ZNF595: variants seen among roughly 807,000 people sequenced by gnomAD.
ZNF595 encodes the protein zinc finger protein 595.
In ZNF595, 9 loss-of-function variants were observed where a neutral mutation model predicts 19.4. The ratio of observed to expected loss-of-function variants is 0.46; its 90% CI spans 0.28 to 0.81. The LOEUF (loss-of-function observed/expected upper bound fraction) is 0.81. Among genes scored for constraint, ZNF595 ranks in the 30% least tolerant of loss-of-function variants. ZNF595 has a pLI of 0.11. For missense variants in ZNF595, 729 were observed against 736.0 expected, an observed-to-expected ratio of 0.99 and a Z score of 0.11; for synonymous variants, 255 against 255.9, an observed-to-expected ratio of 1.00 and a Z score of 0.03.
At chr4:81,605 A>AT (rs1289457508) in intron 3 of ZNF595, among the ~76,000 whole-genome samples, 3 of 152,174 alleles carry the variant, frequency 2.0e-5, no homozygotes, top group Non-Finnish European at 4.4e-5. Flanking sequence ...TAGTCATATT[A>AT]ATTATATTGA....
chr4:62,125 C>T (rs1581324548), intron 3 of ZNF595, among the ~76,000 whole-genome samples: 2,341 of 75,486 alleles, frequency 0.031, 9 homozygotes, highest in African/African-American at 0.1. Flanking sequence ...TGTACATTAG[C>T]TTTCTCAGAC....
At chr4:73,222 A>T (rs574000071) in intron 3 of ZNF595, among the ~76,000 whole-genome samples, 1 of 151,570 alleles carries the variant, frequency 6.6e-6, no homozygotes, top group African/African-American at 2.4e-5. Context: ...GCTATTTGTC[A>T]TACGGAGGAG....
At chr4:72,000 G>A (rs1056963382) in intron 3 of ZNF595, among the ~76,000 whole-genome samples, 18 of 152,238 alleles carry the variant, frequency 1.2e-4, no homozygotes, top group Admixed American at 3.9e-4. Flanking sequence ...GAGCAGGATG[G>A]GGGTGGGAGG....
chr4:74,566 C>T (rs1440537798), intron 3 of ZNF595, among the ~76,000 whole-genome samples: 1 of 152,152 alleles, frequency 6.6e-6, no homozygotes, highest in East Asian at 1.9e-4. Flanking sequence ...ACATGTGCCC[C>T]AGGTGGTCGG....
At position 53,437 on chromosome 4, in the gene ZNF595, AG is replaced by A. The variant is rs1581306091; in HGVS notation, c.-49del. The A allele has an allele frequency of 3.8e-6, 4 of 1,042,732 alleles. No homozygotes were observed. The African/African-American group carries it at 5.0e-5, about 13-fold the overall frequency. The allele number at this position is 1,042,732 out of a possible 1,614,324, so 64.6% of individuals were successfully genotyped here. Reference sequence around the variant, plus strand: ...CTGCCTCCCGTTGCTCTGTGACCTGAGGGTATTGGACAATTTGTAGCTAAGA... The same window carrying A: ...CTGCCTCCCGTTGCTCTGTGACCTGAGGTATTGGACAATTTGTAGCTAAGA... On this transcript the variant is annotated 5_prime_UTR_variant, in exon 1 of 4. Transcript: ENST00000610261.
chr4:65,207 GC>G (rs1713040932), intron 3 of ZNF595, among the ~76,000 whole-genome samples: 2 of 137,162 alleles, frequency 1.5e-5, no homozygotes, highest in African/African-American at 5.3e-5. Context: ...CCTTGAGTTG[GC>G]CACCTGGGTG....
chr4:84,192 C>A (rs1182527482), intron 3 of ZNF595, among the ~76,000 whole-genome samples: 2 of 152,044 alleles, frequency 1.3e-5, no homozygotes, highest in African/African-American at 2.4e-5. Context: ...AGTTTATGAT[C>A]ATTTTTATGC....
At chr4:78,019 T>C (rs1713744474) in intron 3 of ZNF595, among the ~76,000 whole-genome samples, 1 of 152,154 alleles carries the variant, frequency 6.6e-6, no homozygotes, top group Non-Finnish European at 1.5e-5. Context: ...TTTGTTTGTT[T>C]GTTTTTTGAG....
At chr4:71,260 C>A (rs1413649571) in intron 3 of ZNF595, among the ~76,000 whole-genome samples, 1 of 152,156 alleles carries the variant, frequency 6.6e-6, no homozygotes, top group Non-Finnish European at 1.5e-5. Flanking sequence ...AAAACTACAT[C>A]ATCTGCAAAC....
chr4:80,234 G>A (rs189041674), intron 3 of ZNF595, among the ~76,000 whole-genome samples: 13 of 152,236 alleles, frequency 8.5e-5, no homozygotes, highest in African/African-American at 3.1e-4. Context: ...GTTGAGGCTG[G>A]TCTCAAACTC....
chr4:81,742 G>C (rs1372124372), intron 3 of ZNF595, among the ~76,000 whole-genome samples: 1 of 152,072 alleles, frequency 6.6e-6, no homozygotes, highest in Non-Finnish European at 1.5e-5. Flanking sequence ...TTCTGTTTTA[G>C]AGTCAAACTG....
intron 3 of ZNF595, among the ~76,000 whole-genome samples, chr4:71,382 G>T (rs901844169): frequency 2.0e-5 from 3 of 152,144 alleles, no homozygotes; most frequent in Admixed American, 6.5e-5. Flanking sequence ...AGTGGTGAAA[G>T]TATGCATCTT....
chr4:86,155 A>G lies in ZNF595; in HGVS notation c.651A>G (p.Lys217=). Residue 217 remains lysine, a synonymous_variant, in exon 4 of 4, where the codon AAA becomes AAG. Transcript: ENST00000610261. ...TTAATAGGTCCACATCACTTAGTAA[A>G]CATAAGAGAATTCATACTGGAGAGA... ...KAFNRSTSLS[K]HKRIHTGEKP... 6.2e-7 allele frequency: 1 copy of G among 1,613,762 alleles called. No homozygotes were observed. Among genetic ancestry groups the G allele is most frequent in the Non-Finnish European group, 8.5e-7 (1 of 1,179,838 alleles).
At chr4:75,485 T>C (rs1553798567) in intron 3 of ZNF595, among the ~76,000 whole-genome samples, 3 of 152,232 alleles carry the variant, frequency 2.0e-5, no homozygotes, top group African/African-American at 4.8e-5. Context: ...AGAGCTGTCA[T>C]GACCTAATAA....
chr4:74,035 C>T (rs551627411), intron 3 of ZNF595, among the ~76,000 whole-genome samples: 25 of 152,208 alleles, frequency 1.6e-4, no homozygotes, highest in African/African-American at 4.8e-4. Flanking sequence ...AGACCAGGTG[C>T]GGTGGCTCAC....
chr4:84,392 G>A (rs1553800678), intron 3 of ZNF595, among the ~76,000 whole-genome samples: 1 of 152,110 alleles, frequency 6.6e-6, no homozygotes, highest in African/African-American at 2.4e-5. Context: ...TCTAAGGCAG[G>A]TGTTGTGCTA....
intron 3 of ZNF595, among the ~76,000 whole-genome samples, chr4:71,292 T>C (rs1377686724): frequency 6.6e-6 from 1 of 152,244 alleles, no homozygotes; most frequent in Non-Finnish European, 1.5e-5. Context: ...TTGACTTCTT[T>C]CTTTCCAATT....
chr4:82,794 G>A (rs1358900363), intron 3 of ZNF595, among the ~76,000 whole-genome samples: 2 of 152,086 alleles, frequency 1.3e-5, no homozygotes, highest in East Asian at 1.9e-4. Context: ...AGCCTAACAG[G>A]TGGTCTATCA....
At chr4:77,830 G>C (rs1309785464) in intron 3 of ZNF595, among the ~76,000 whole-genome samples, 18 of 152,114 alleles carry the variant, frequency 1.2e-4, no homozygotes, top group African/African-American at 4.3e-4. Context: ...ATGTGAGCAG[G>C]TGTGGCTCCT....
Sources: gnomAD v4.1 joint callset for allele counts (sites outside exome capture counted in the v4.1 genomes callset) on GRCh38, gnomAD v4.1.1 for gene constraint, MANE v1.5 for transcripts, NCBI Gene and HGNC (gene_info 2026-07-23, HGNC 2026-07-21) for gene names.